Variants in FRMD6 observed in about 807,000 individuals in gnomAD.
FRMD6 encodes FERM domain containing 6.
In FRMD6, 37 loss-of-function variants were observed where a neutral mutation model predicts 73.2. The ratio of observed to expected loss-of-function variants is 0.51; its 90% CI spans 0.39 to 0.66. FRMD6 has a LOEUF of 0.66. Ranked by LOEUF, FRMD6 falls within the 30% of genes least tolerant of loss-of-function variation. The pLI is 0.00. For missense variants in FRMD6, 714 were observed against 780.5 expected (o/e 0.91, Z 1.02); for synonymous variants, 273 against 282.2 (o/e 0.97, Z 0.33).
intron 1 of FRMD6, among the ~76,000 whole-genome samples, chr14:51,496,655 G>T (rs1383436158): frequency 6.6e-6 from 1 of 152,154 alleles, no homozygotes; most frequent in African/African-American, 2.4e-5. Flanking sequence ...AAGTAAAAAA[G>T]GTTAGCTTAG....
intron 1 of FRMD6, chr14:51,491,460 A>G (rs1174804747): frequency 1.3e-5 from 2 of 152,270 alleles, no homozygotes; most frequent in African/African-American, 4.8e-5. Flanking sequence ...GGGGGAAATG[A>G]CAAAGCAGAG....
At chr14:51,545,468 A>G in intron 1 of FRMD6, among the ~76,000 whole-genome samples, 1 of 152,086 alleles carries the variant, frequency 6.6e-6, no homozygotes, top group South Asian at 2.1e-4. Context: ...CAAAGAGCTG[A>G]TGTTAAATAT....
At chr14:51,403,332 T>G in the FRMD6 span, among the ~76,000 whole-genome samples, 7 of 152,230 alleles carry the variant, frequency 4.6e-5, no homozygotes. Flanking sequence ...TAAAACATAT[T>G]GTTTAGTTTT....
At chr14:51,687,031 T>C (rs1206559773) in intron 1 of FRMD6, among the ~76,000 whole-genome samples, 4 of 152,156 alleles carry the variant, frequency 2.6e-5, no homozygotes, top group African/African-American at 7.2e-5. Context: ...CAGTGCTGCT[T>C]CGTATCGACT....
At chr14:51,550,178 G>T (rs1886732187) in intron 1 of FRMD6, among the ~76,000 whole-genome samples, 2 of 152,058 alleles carry the variant, frequency 1.3e-5, no homozygotes, top group African/African-American at 4.8e-5. Flanking sequence ...AACAATCTGT[G>T]TCCTCTTTTC....
upstream of FRMD6, chr14:51,651,865 G>C (rs1453967884): frequency 6.7e-6 from 1 of 148,670 alleles, no homozygotes; most frequent in Non-Finnish European, 1.5e-5. Context: ...TGGGGGGCGG[G>C]GCGGACGCGG....
intron 2 of FRMD6, among the ~76,000 whole-genome samples, chr14:51,589,690 A>C (rs757288863): frequency 6.6e-6 from 1 of 152,042 alleles, no homozygotes; most frequent in East Asian, 1.9e-4. Context: ...TTAGCTGTGC[A>C]TAACCAACTG....
intron 1 of FRMD6, among the ~76,000 whole-genome samples, chr14:51,683,208 G>A (rs902197239): frequency 3.3e-5 from 5 of 152,190 alleles, no homozygotes; most frequent in African/African-American, 9.7e-5. Flanking sequence ...CTCTGTATGA[G>A]TGTATTTTTA....
chr14:51,582,736 A>G (rs2139669519), intron 2 of FRMD6, among the ~76,000 whole-genome samples: 1 of 152,320 alleles, frequency 6.6e-6, no homozygotes, highest in Non-Finnish European at 1.5e-5. Context: ...CTTGGTGGTG[A>G]GAAATACAAC....
intron 8 of FRMD6, 81 bp from the exon 9 acceptor site, chr14:51,712,402 G>C (rs992946017): frequency 1.2e-6 from 1 of 825,282 alleles, no homozygotes; most frequent in Non-Finnish European, 2.0e-6. Flanking sequence ...CTGTATTTTG[G>C]TTTTCAGGGA....
chr14:51,464,976 G>A, the FRMD6 span, among the ~76,000 whole-genome samples: 1 of 152,080 alleles, frequency 6.6e-6, no homozygotes, highest in Non-Finnish European at 1.5e-5. Flanking sequence ...AATAATTCAA[G>A]GGAATTATGA....
chr14:51,535,723 A>T (rs1272560848), intron 1 of FRMD6, among the ~76,000 whole-genome samples: 1 of 152,152 alleles, frequency 6.6e-6, no homozygotes, highest in Middle Eastern at 3.2e-3. Flanking sequence ...CATGTTTTTA[A>T]TTCTCTTGGA....
Position 51,653,746 on chromosome 14 carries a change from A to T in FRMD6, c.-147+1750A>T, listed in dbSNP as rs139715922. On this transcript the variant is annotated intron_variant, in intron 1 of 13. Transcript: ENST00000344768. ...TCTCAGGTGTGGCTTTGAGAAATAA[A>T]CGTTTTATGTTAAAAATGAAAATAC... Among the ~76,000 whole-genome samples the T allele has an allele frequency of 1.2e-3, 183 of 152,302 alleles. 1 individual carries two copies. Among genetic ancestry groups the T allele is most frequent in the African/African-American group, 4.2e-3 (174 of 41,556 alleles).
chr14:51,640,681 A>T (rs887426185), intron 2 of FRMD6, among the ~76,000 whole-genome samples: 1 of 152,232 alleles, frequency 6.6e-6, no homozygotes, highest in Non-Finnish European at 1.5e-5. Context: ...GATGAACAAT[A>T]AAAGTATAAA....
chr14:51,573,004 C>G (rs1396673897), intron 2 of FRMD6, among the ~76,000 whole-genome samples: 1 of 152,188 alleles, frequency 6.6e-6, no homozygotes, highest in Non-Finnish European at 1.5e-5. Flanking sequence ...ACAACACTTT[C>G]CTCACCCTAC....
chr14:51,549,874 C>T (rs923935172), intron 1 of FRMD6, among the ~76,000 whole-genome samples: 2 of 152,194 alleles, frequency 1.3e-5, no homozygotes, highest in Non-Finnish European at 2.9e-5. Context: ...GGATTACAGG[C>T]GTGGGCCACC....
chr14:51,475,949 A>G, the FRMD6 span, among the ~76,000 whole-genome samples: 3 of 152,298 alleles, frequency 2.0e-5, no homozygotes, highest in African/African-American at 7.2e-5. Flanking sequence ...AGAGAAGCCC[A>G]GCTGGTACTG....
In FRMD6 at chr14:51,727,951, T is replaced by G. The variant is rs1448128943; in HGVS notation, c.1791T>G (p.Asp597Glu). ...CLAQQCINIQ[D>E]AFPVKRTSKY... ...CCCAGCAGTGCATCAACATCCAAGA[T>G]GCTTTTCCAGTCAAAAGAACCAGCA... The change falls in exon 14 of 14, where the codon GAT (aspartate) becomes GAG (glutamate). Residue 597 changes from aspartate (D) to glutamate (E), a missense_variant. Transcript: ENST00000344768. 6.2e-7 allele frequency: 1 copy of G among 1,614,132 alleles called. No individual in the cohort carries two copies. The highest frequency in any genetic ancestry group is 2.2e-5 in the East Asian group (1 of 44,888).
the FRMD6 span, among the ~76,000 whole-genome samples, chr14:51,470,319 C>G: frequency 6.6e-6 from 1 of 152,154 alleles, no homozygotes; most frequent in African/African-American, 2.4e-5. Context: ...GAGTTCCAAA[C>G]AAGGCTGGCC....
Sources: allele counts gnomAD v4.1 joint callset (sites outside exome capture counted in the v4.1 genomes callset), GRCh38; gene constraint gnomAD v4.1.1; transcripts MANE v1.5; gene names NCBI Gene and HGNC (gene_info 2026-07-23, HGNC 2026-07-21).